The following CNTNAP2 variants were observed in gnomAD, a reference collection of about 807,000 sequenced individuals.
CNTNAP2 encodes contactin-associated protein-like 2.
Under a neutral mutation model 155.2 loss-of-function variants are expected in CNTNAP2, and 98 were observed. The ratio of observed to expected loss-of-function variants is 0.63; its 90% CI spans 0.54 to 0.75. The LOEUF (loss-of-function observed/expected upper bound fraction) is 0.75, where lower values mean the gene tolerates loss of function less well. Ranked by LOEUF, CNTNAP2 falls within the 30% of genes least tolerant of loss-of-function variation. The pLI, the probability that CNTNAP2 is intolerant of heterozygous loss-of-function variation, is 0.00. For missense variants in CNTNAP2, 1,727 were observed against 1,688.1 expected (o/e 1.02, Z -0.40); for synonymous variants, 651 against 631.2 (o/e 1.03, Z -0.47).
intron 8 of CNTNAP2, among the ~76,000 whole-genome samples, chr7:147,225,981 AAGAG>A (rs1207668621): frequency 2.8e-4 from 43 of 151,364 alleles, no homozygotes; most frequent in African/African-American, 6.9e-4. Flanking sequence ...GAGAGAAAGA[AAGAG>A]AGAAAGAAAG....
chr7:147,287,281 G>A (rs1295012944), intron 8 of CNTNAP2, among the ~76,000 whole-genome samples: 1 of 152,050 alleles, frequency 6.6e-6, no homozygotes, highest in Non-Finnish European at 1.5e-5. Context: ...ACCATCCCCC[G>A]GGAGATGGCG....
intron 1 of CNTNAP2, among the ~76,000 whole-genome samples, chr7:146,500,638 C>A (rs940314896): frequency 6.6e-6 from 1 of 152,114 alleles, no homozygotes; most frequent in Non-Finnish European, 1.5e-5. Flanking sequence ...TATCCAAAGA[C>A]GTGTCTGTGA....
intron 14 of CNTNAP2, among the ~76,000 whole-genome samples, chr7:147,914,392 TAGTC>T (rs771295215): frequency 6.6e-6 from 1 of 151,624 alleles, no homozygotes; most frequent in African/African-American, 2.4e-5. Context: ...AATACAAAAT[TAGTC>T]AGGCATAGTG....
intron 1 of CNTNAP2, among the ~76,000 whole-genome samples, chr7:146,390,946 A>T (rs1370054858): frequency 6.7e-6 from 1 of 149,468 alleles, no homozygotes; most frequent in Non-Finnish European, 1.5e-5. Context: ...ACGTGCCTGT[A>T]GTCCCAGCTA....
At chr7:146,681,677 TA>T (rs1800507542) in intron 1 of CNTNAP2, among the ~76,000 whole-genome samples, 1 of 151,486 alleles carries the variant, frequency 6.6e-6, no homozygotes, top group Non-Finnish European at 1.5e-5. Flanking sequence ...AGTAATTGGG[TA>T]CTAGGCTTAA....
At chr7:146,350,155 G>C (rs1355288394) in intron 1 of CNTNAP2, among the ~76,000 whole-genome samples, 1 of 152,046 alleles carries the variant, frequency 6.6e-6, no homozygotes, top group Non-Finnish European at 1.5e-5. Flanking sequence ...TTTCTTGGAG[G>C]CTTTGTTCAT....
At chr7:147,528,674 G>T (rs1799373202) in intron 11 of CNTNAP2, among the ~76,000 whole-genome samples, 1 of 152,090 alleles carries the variant, frequency 6.6e-6, no homozygotes, top group South Asian at 2.1e-4. Flanking sequence ...TTATATTCCT[G>T]GTCAAGGGAG....
At chr7:148,363,965 G>A (rs1034191531) in intron 21 of CNTNAP2, among the ~76,000 whole-genome samples, 11 of 152,176 alleles carry the variant, frequency 7.2e-5, no homozygotes, top group African/African-American at 1.9e-4. Flanking sequence ...CAGTGGCTGC[G>A]GAGGGTGTAC....
At chr7:146,129,026 A>C (rs1258025518) in intron 1 of CNTNAP2, among the ~76,000 whole-genome samples, 2 of 152,178 alleles carry the variant, frequency 1.3e-5, no homozygotes, top group African/African-American at 4.8e-5. Context: ...GTGTGAAATA[A>C]AACATTTTTA....
chr7:146,849,237 G>A (rs979609500), intron 3 of CNTNAP2, among the ~76,000 whole-genome samples: 2 of 152,088 alleles, frequency 1.3e-5, no homozygotes, highest in Non-Finnish European at 2.9e-5. Context: ...TCATCATATA[G>A]AGCTCACTGC....
intron 10 of CNTNAP2, among the ~76,000 whole-genome samples, chr7:147,434,849 C>T (rs1797525616): frequency 6.6e-6 from 1 of 152,228 alleles, no homozygotes; most frequent in Admixed American, 6.5e-5. Flanking sequence ...CCAGACTCCT[C>T]TTCCTCCTCT....
chr7:146,282,644 G>A (rs1346425664), intron 1 of CNTNAP2, among the ~76,000 whole-genome samples: 1 of 152,150 alleles, frequency 6.6e-6, no homozygotes, highest in Non-Finnish European at 1.5e-5. Flanking sequence ...CTATTTAGGA[G>A]TAAGTTCCTG....
intron 1 of CNTNAP2, among the ~76,000 whole-genome samples, chr7:146,664,132 C>T (rs1159551299): frequency 8.1e-6 from 1 of 122,744 alleles, no homozygotes; most frequent in Non-Finnish European, 1.7e-5. Context: ...ACTTTCTCTT[C>T]TTAGTTTGTT....
At chr7:146,119,784 A>G (rs1254068937) in intron 1 of CNTNAP2, among the ~76,000 whole-genome samples, 1 of 152,104 alleles carries the variant, frequency 6.6e-6, no homozygotes, top group Non-Finnish European at 1.5e-5. Context: ...AATTTCATTG[A>G]CCAACACATT....
chr7:147,265,278 C>G (rs1415271457), intron 8 of CNTNAP2, among the ~76,000 whole-genome samples: 1 of 152,224 alleles, frequency 6.6e-6, no homozygotes, highest in African/African-American at 2.4e-5. Context: ...CATGGGGCAG[C>G]AGCCATCACT....
At chr7:147,633,478 C>T (rs952864610) in intron 12 of CNTNAP2, among the ~76,000 whole-genome samples, 2 of 152,130 alleles carry the variant, frequency 1.3e-5, no homozygotes, top group Non-Finnish European at 2.9e-5. Flanking sequence ...TAAGCTAAGA[C>T]TTTGAAGACC....
chr7:147,750,976 C>G (rs944100231), intron 13 of CNTNAP2, among the ~76,000 whole-genome samples: 2 of 151,990 alleles, frequency 1.3e-5, no homozygotes, highest in Non-Finnish European at 2.9e-5. Context: ...AGAGGCGGAG[C>G]TTGCAGTGAG....
At chr7:146,787,257 A>C (rs1464815764) in intron 2 of CNTNAP2, among the ~76,000 whole-genome samples, 1 of 152,130 alleles carries the variant, frequency 6.6e-6, no homozygotes, top group Admixed American at 6.6e-5. Flanking sequence ...ACAGGCTTCT[A>C]TGGTACTGTG....
At chr7:146,518,514 C>T (rs1359269324) in intron 1 of CNTNAP2, among the ~76,000 whole-genome samples, 1 of 151,760 alleles carries the variant, frequency 6.6e-6, no homozygotes, top group Non-Finnish European at 1.5e-5. Flanking sequence ...CTAAATCTTC[C>T]ATGAGCTCTG....
Sources: gnomAD v4.1 joint callset for allele counts (sites outside exome capture counted in the v4.1 genomes callset) on GRCh38, gnomAD v4.1.1 for gene constraint, MANE v1.5 for transcripts, NCBI Gene and HGNC (gene_info 2026-07-23, HGNC 2026-07-21) for gene names.